KIF20A: variants seen among roughly 807,000 people sequenced by gnomAD.
KIF20A encodes the protein kinesin-like protein KIF20A.
In KIF20A, 66 loss-of-function variants were observed where a neutral mutation model predicts 113.0. The ratio of observed to expected loss-of-function variants is 0.58; its 90% CI spans 0.48 to 0.72. The LOEUF (loss-of-function observed/expected upper bound fraction) is 0.72. KIF20A is among the 30% of genes least tolerant of loss of function. The pLI, the probability that KIF20A is intolerant of heterozygous loss-of-function variation, is 0.00. For missense variants in KIF20A, 927 were observed against 1,077.6 expected, an observed-to-expected ratio of 0.86 and a Z score of 1.96; for synonymous variants, 376 against 402.3, an observed-to-expected ratio of 0.93 and a Z score of 0.78.
At position 138,185,180 on chromosome 5, in the gene KIF20A, T is replaced by C. The variant is rs1250445927; in HGVS notation, c.1909T>C (p.Tyr637His). ...CCTCAAGGAGTCACTGACAAGTTTT[T>C]ACCAAGAAGAGATTCAGGTGAGTTG... ...NILKESLTSFYQEEIQERDEK... is the reference protein window; with the variant it reads ...NILKESLTSFHQEEIQERDEK... The change falls in exon 15 of 19, where the codon TAC becomes CAC. Residue 637 changes from tyrosine (Y) to histidine (H), a missense_variant. Coordinates refer to ENST00000394894, the MANE Select transcript of KIF20A (RefSeq NM_005733.3). 3 of 1,612,836 alleles carry C rather than the reference T, an allele frequency of 1.9e-6. No individual in the cohort carries two copies. The highest frequency in any genetic ancestry group is 2.5e-6 in the Non-Finnish European group (3 of 1,179,066).
rs1273579092 is a variant in KIF20A, at chr5:138,182,388, T to C, written c.441T>C (p.Asp147=). 6.2e-7 allele frequency: 1 copy of C among 1,614,130 alleles called. No homozygotes were observed. The highest frequency in any genetic ancestry group is 8.5e-7 in the Non-Finnish European group (1 of 1,180,012). The change falls in exon 5 of 19, where the codon GAT becomes GAC. Residue 147 remains aspartate (D), a synonymous_variant. Coordinates refer to ENST00000394894, the MANE Select transcript of KIF20A (RefSeq NM_005733.3). ...TAACTGTGAAGGAGATGGTAAAGGA[T>C]GTACTCAAAGGGCAGAACTGGCTCA... ...FNLTVKEMVK[D]VLKGQNWLIY...
intron 4 of KIF20A, 109 bp downstream of exon 4, chr5:138,181,837 C>A: frequency 7.7e-7 from 1 of 1,295,004 alleles, no homozygotes. Flanking sequence ...TGTATATGCA[C>A]ACCTACAATT....
In KIF20A at chr5:138,187,165, T is replaced by C. The variant is rs1330162775; in HGVS notation, c.2425T>C (p.Cys809Arg). 1 of 1,614,112 alleles carries C rather than the reference T, an allele frequency of 6.2e-7. No homozygotes were observed. Among genetic ancestry groups the C allele is most frequent in the Non-Finnish European group, 8.5e-7 (1 of 1,179,960 alleles). The change falls in exon 19 of 19, where the codon TGT becomes CGT. Residue 809 changes from cysteine to arginine, a missense_variant. Coordinates refer to ENST00000394894, the MANE Select transcript of KIF20A (RefSeq NM_005733.3). Reference protein sequence around the residue: ...VKLDLRKKAACIAEQYHTVLK... With the variant: ...VKLDLRKKAARIAEQYHTVLK... Reference sequence around the variant, plus strand: ...ACTGGACCTTCGGAAGAAGGCAGCATGTATTGCTGAGCAGTATCATACTGT... The same window carrying C: ...ACTGGACCTTCGGAAGAAGGCAGCACGTATTGCTGAGCAGTATCATACTGT...
chr5:138,184,719 C>T (rs961979712), intron 13 of KIF20A, 43 bp downstream of exon 13: 3 of 1,610,504 alleles, frequency 1.9e-6, no homozygotes, highest in East Asian at 2.2e-5. Flanking sequence ...TTAGTAGCTA[C>T]ACATTTTTCC....
rs1460149554 is a variant in KIF20A at position 138,184,017 on chromosome 5, G to A, written c.1264G>A (p.Glu422Lys). ...SERCKDQKSG[E>K]RLKEAGNINT... Reference sequence around the variant, plus strand: ...GCGCTGCAAAGATCAGAAGAGTGGTGAACGGTTGAAGGAAGCAGGAAACAT... The same window carrying A: ...GCGCTGCAAAGATCAGAAGAGTGGTAAACGGTTGAAGGAAGCAGGAAACAT... Residue 422 changes from glutamate (E) to lysine (K), a missense_variant, in exon 11 of 19, where the codon GAA becomes AAA. By Grantham distance (56) the Glu-to-Lys change is moderately conservative. Transcript: ENST00000394894. 6.2e-7 allele frequency: 1 copy of A among 1,614,190 alleles called. No individual in the cohort carries two copies. Among genetic ancestry groups the A allele is most frequent in the Admixed American group, 1.7e-5 (1 of 60,026 alleles).
At chr5:138,187,055 C>G (rs1289155666) in intron 18 of KIF20A, 41 bp from the exon 19 acceptor site, 1 of 1,497,110 alleles carries the variant, frequency 6.7e-7, no homozygotes, top group Non-Finnish European at 9.1e-7. Context: ...TCTAATATAC[C>G]AGACAAAAGT....
Position 138,185,104 on chromosome 5 carries a change from G to A in KIF20A, c.1833G>A (p.Leu611=), listed in dbSNP as rs776674275. The change falls in exon 15 of 19, where the codon TTG becomes TTA. Residue 611 remains leucine (L), a synonymous_variant. Coordinates refer to ENST00000394894, the MANE Select transcript of KIF20A (RefSeq NM_005733.3). ...CCTCTGTTTCTGACAGTGAACATTT[G>A]GACACCCAAAAGGAACTATTGGAGG... is the stretch of plus-strand genomic sequence containing the variant. ...QQREQWCSEH[L]DTQKELLEEM... is the part of the protein sequence containing the mutation. 1 of 1,612,602 alleles carries A rather than the reference G, an allele frequency of 6.2e-7. No homozygotes were observed. Among genetic ancestry groups the A allele is most frequent in the Non-Finnish European group, 8.5e-7 (1 of 1,178,960 alleles).
chr5:138,184,800 C>G lies in KIF20A; in HGVS notation c.1684-7C>G, dbSNP rs778368943. The G allele has an allele frequency of 3.7e-6, 6 of 1,613,632 alleles. No homozygotes were observed. The highest frequency in any genetic ancestry group is 5.1e-6 in the Non-Finnish European group (6 of 1,179,780). Reference sequence around the variant, plus strand: ...CTGATGACCTCTGACATGTGTGTCTCTCCTAGGAGCTCCTACAAGTTGTGG... The same window carrying G: ...CTGATGACCTCTGACATGTGTGTCTGTCCTAGGAGCTCCTACAAGTTGTGG... On this transcript the variant is annotated splice_polypyrimidine_tract_variant and splice_region_variant and intron_variant, in intron 13 of 18. Transcript: ENST00000394894.
rs536748210 is a variant in KIF20A, at chr5:138,187,584, T to A, written c.*171T>A. 1.1e-3 allele frequency: 585 copies of A among 522,384 alleles called. 4 individuals are homozygous for A. Among genetic ancestry groups the A allele is most frequent in the South Asian group, 5.2e-3 (145 of 27,828 alleles). The allele number at this position is 522,384 out of a possible 1,614,324, so 32.4% of individuals were successfully genotyped here. On this transcript the variant is annotated 3_prime_UTR_variant, in exon 19 of 19. Coordinates refer to ENST00000394894, the MANE Select transcript of KIF20A (RefSeq NM_005733.3). ...TATTATAACCACCTATGTAATCTCA[T>A]GTTGTTGTTTTTTTTTATTTACTTA...
rs375381895 is a variant in KIF20A at position 138,183,731 on chromosome 5, G to A, written c.1183G>A (p.Gly395Arg). ...SIRILHLQGE[G>R]DIVPKISELS... ...CAGGATCCTACACCTTCAGGGGGAA[G>A]GAGATATAGTCCCCAAGATCAGCGA... Residue 395 changes from glycine to arginine, a missense_variant, in exon 10 of 19, where the codon GGA (glycine) becomes AGA (arginine). Physicochemically the swap from Gly to Arg is moderately radical, Grantham distance 125. Transcript: ENST00000394894. This position sits in a 1 kb window ranked among gnomAD's most constrained non-coding sequence, Gnocchi z 5.2. 6.2e-7 allele frequency: 1 copy of A among 1,613,852 alleles called. No homozygotes were observed. The highest frequency in any genetic ancestry group is 2.2e-5 in the East Asian group (1 of 44,880).
rs775494696 is a variant in KIF20A, at chr5:138,185,237, T to C, written c.1926+40T>C. 18 of 1,336,862 alleles carry C rather than the reference T, an allele frequency of 1.3e-5. No homozygotes were observed. The South Asian group carries it at 2.2e-4, about 16-fold the overall frequency. The allele number at this position is 1,336,862 out of a possible 1,614,324, so 82.8% of individuals were successfully genotyped here. A position where few individuals can be genotyped will look rare whatever the true frequency, so the allele number is the denominator to read the frequency against. ...GCCAGCTCCAATTAGCTGCTCAGAT[T>C]TCCATCACTAGCTTGCCTGAAGTAA... On this transcript the variant is annotated intron_variant, in intron 15 of 18. Coordinates refer to ENST00000394894, the MANE Select transcript of KIF20A (RefSeq NM_005733.3).
At chr5:138,182,250 T>C (rs1754671494) in intron 4 of KIF20A, 73 bp from the exon 5 acceptor site, 3 of 1,533,206 alleles carry the variant, frequency 2.0e-6, no homozygotes, top group African/African-American at 1.4e-5. Flanking sequence ...GGAAGGAATA[T>C]ATCTGCTGGC....
intron 17 of KIF20A, 103 bp from the exon 18 acceptor site, chr5:138,186,191 A>T (rs1380897306): frequency 1.3e-5 from 19 of 1,510,042 alleles, no homozygotes; most frequent in Non-Finnish European, 1.7e-5. Context: ...TCAGCTGACT[A>T]GCCTTTCTAA....
intron 17 of KIF20A, 96 bp from the exon 18 acceptor site, chr5:138,186,198 C>G: frequency 6.5e-7 from 1 of 1,527,224 alleles, no homozygotes; most frequent in South Asian, 1.2e-5. Context: ...ACTAGCCTTT[C>G]TAATTTTACT....
rs1754729397 is a variant in KIF20A at position 138,185,503 on chromosome 5, C to A, written c.1927-9C>A. 3 of 1,612,616 alleles carry A rather than the reference C, an allele frequency of 1.9e-6. No individual in the cohort carries two copies. In the South Asian group the frequency reaches 3.3e-5, roughly 18 times the overall value. On this transcript the variant is annotated splice_polypyrimidine_tract_variant and intron_variant, in intron 15 of 18. Coordinates refer to ENST00000394894, the MANE Select transcript of KIF20A (RefSeq NM_005733.3). ...CTGCAAAGAATTGTGCTCTCTGCTT[C>A]CCTCTTAGGAGCGGGATGAAAAGAT...
At position 138,186,283 on chromosome 5, in the gene KIF20A, C is replaced by T. The variant is rs367935862; in HGVS notation, c.2218-11C>T. On this transcript the variant is annotated splice_polypyrimidine_tract_variant and intron_variant, in intron 17 of 18. Coordinates refer to ENST00000394894, the MANE Select transcript of KIF20A (RefSeq NM_005733.3). ...TTGGCCACAATATGATTCCTACTTCCCCTTTTTCAGAATATAAGGCTGTTG... is the reference window on the plus strand; with the variant it reads ...TTGGCCACAATATGATTCCTACTTCTCCTTTTTCAGAATATAAGGCTGTTG... The T allele has an allele frequency of 6.3e-7, 1 of 1,586,188 alleles. No individual in the cohort carries two copies. Among genetic ancestry groups the T allele is most frequent in the African/African-American group, 1.4e-5 (1 of 72,936 alleles).
Position 138,182,758 on chromosome 5 carries a change from T to C in KIF20A, c.687T>C (p.Asn229=). 6.2e-7 allele frequency: 1 copy of C among 1,613,738 alleles called. No homozygotes were observed. The highest frequency in any genetic ancestry group is 1.1e-5 in the South Asian group (1 of 91,080). ...AAATGAAGAAGCTGTCCCTGCTAAA[T>C]GGAGGCCTCCAAGAGGTAAAGCATT... ...QEEMKKLSLL[N]GGLQEEELST... The change falls in exon 6 of 19, where the codon AAT becomes AAC. Residue 229 remains asparagine, a synonymous_variant. Coordinates refer to ENST00000394894, the MANE Select transcript of KIF20A (RefSeq NM_005733.3).
rs754553864 is a variant in KIF20A at position 138,186,413 on chromosome 5, T to A, written c.2337T>A (p.Asp779Glu). The change falls in exon 18 of 19, where the codon GAT becomes GAA. Residue 779 changes from aspartate (D) to glutamate (E), a missense_variant. Asp to Glu is a conservative substitution (Grantham distance 45). Transcript: ENST00000394894. ...TTCGTCAAGCCTTGACCACTTGTGA[T>A]GACATCTTAATCAAACAGGTTAGGG... ...GKLRQALTTC[D>E]DILIKQDQTL... 6.2e-6 allele frequency: 10 copies of A among 1,613,054 alleles called. No individual in the cohort carries two copies. In the African/African-American group the frequency reaches 1.3e-4, roughly 22 times the overall value.
intron 1 of KIF20A, 165 bp from the exon 2 acceptor site, chr5:138,179,495 T>C: frequency 3.4e-6 from 2 of 595,488 alleles, no homozygotes; most frequent in Non-Finnish European, 5.9e-6. Flanking sequence ...AATTGTTCAT[T>C]AAGTGAACTT....
Sources: allele counts gnomAD v4.1 joint callset, GRCh38; gene constraint gnomAD v4.1.1; non-coding constraint Gnocchi (gnomAD v3.1); transcripts MANE v1.5; gene names NCBI Gene and HGNC (gene_info 2026-07-23, HGNC 2026-07-21).